Variants in SCHIP1 observed in about 807,000 individuals in gnomAD.
SCHIP1 encodes schwannomin interacting protein 1.
A neutral mutation model predicts 29.7 loss-of-function variants in SCHIP1; 8 were observed. The observed-to-expected ratio is 0.27, with a 90% CI of 0.16 to 0.49. SCHIP1 has a LOEUF of 0.49. Ranked by LOEUF, SCHIP1 falls within the 20% of genes least tolerant of loss-of-function variation. SCHIP1 has a pLI of 0.99. For missense variants in SCHIP1, 193 were observed against 294.6 expected (o/e 0.66, Z 2.52); for synonymous variants, 76 against 94.9 (o/e 0.80, Z 1.16).
At chr3:159,310,618 T>C in the SCHIP1 span, among the ~76,000 whole-genome samples, 1 of 152,130 alleles carries the variant, frequency 6.6e-6, no homozygotes, top group African/African-American at 2.4e-5. Flanking sequence ...TTGGGGTTTT[T>C]ATGGACAGAC....
the SCHIP1 span, among the ~76,000 whole-genome samples, chr3:159,552,917 G>A: frequency 2.6e-5 from 4 of 152,124 alleles, no homozygotes; most frequent in Non-Finnish European, 4.4e-5. Context: ...TAATGTTGCT[G>A]AGGAGTAAAG....
the SCHIP1 span, among the ~76,000 whole-genome samples, chr3:159,710,738 TG>T: frequency 6.6e-6 from 1 of 152,160 alleles, no homozygotes; most frequent in African/African-American, 2.4e-5. Context: ...ATGTAAGATC[TG>T]AAACTATAAA....
At chr3:159,802,827 A>G in the SCHIP1 span, among the ~76,000 whole-genome samples, 1 of 152,208 alleles carries the variant, frequency 6.6e-6, no homozygotes, top group Non-Finnish European at 1.5e-5. Flanking sequence ...TCATGCATGT[A>G]AAAGAAGTGT....
intron 2 of SCHIP1, among the ~76,000 whole-genome samples, chr3:159,880,898 G>GA (rs1340833861): frequency 1.8e-4 from 28 of 152,296 alleles, no homozygotes; most frequent in African/African-American, 6.5e-4. Flanking sequence ...CAAATATTGT[G>GA]AGGCAGAAAC....
the SCHIP1 span, among the ~76,000 whole-genome samples, chr3:159,348,433 ATTACT>A: frequency 6.6e-6 from 1 of 152,148 alleles, no homozygotes; most frequent in Non-Finnish European, 1.5e-5. Flanking sequence ...GACATGGCTC[ATTACT>A]TTACCAAAAT....
At chr3:159,723,503 A>G in the SCHIP1 span, among the ~76,000 whole-genome samples, 1 of 152,206 alleles carries the variant, frequency 6.6e-6, no homozygotes, top group Non-Finnish European at 1.5e-5. Context: ...GTGTTCTTCC[A>G]TAAGAACATT....
the SCHIP1 span, among the ~76,000 whole-genome samples, chr3:159,682,694 C>T: frequency 6.6e-6 from 1 of 152,142 alleles, no homozygotes; most frequent in East Asian, 1.9e-4. Flanking sequence ...CTGAGCTTGG[C>T]CCTACCTGAT....
the SCHIP1 span, among the ~76,000 whole-genome samples, chr3:159,446,037 A>G: frequency 6.6e-6 from 1 of 151,768 alleles, no homozygotes; most frequent in Non-Finnish European, 1.5e-5. Flanking sequence ...AATAATAATA[A>G]TAATAAAAAG....
the SCHIP1 span, among the ~76,000 whole-genome samples, chr3:159,626,218 A>ATC: frequency 9.2e-6 from 1 of 108,792 alleles, no homozygotes; most frequent in African/African-American, 7.0e-5. Flanking sequence ...ATATATCTAG[A>ATC]TATATATATA....
intron 2 of SCHIP1, among the ~76,000 whole-genome samples, chr3:159,873,625 CTAAT>C (rs1490907917): frequency 6.6e-6 from 1 of 152,192 alleles, no homozygotes; most frequent in Non-Finnish European, 1.5e-5. Flanking sequence ...CATAACTCAA[CTAAT>C]TAAATTTGAC....
the SCHIP1 span, among the ~76,000 whole-genome samples, chr3:159,659,277 G>A: frequency 6.6e-6 from 1 of 152,182 alleles, no homozygotes; most frequent in Non-Finnish European, 1.5e-5. Flanking sequence ...ATGCTGTGGT[G>A]ATCCGACTGA....
chr3:159,701,235 G>T, the SCHIP1 span, among the ~76,000 whole-genome samples: 1 of 151,866 alleles, frequency 6.6e-6, no homozygotes, highest in Admixed American at 6.6e-5. Context: ...TAACATTTTT[G>T]TCATTTTCAT....
At chr3:159,771,695 T>G in the SCHIP1 span, among the ~76,000 whole-genome samples, 5 of 126,304 alleles carry the variant, frequency 4.0e-5, no homozygotes, top group South Asian at 2.1e-4. Context: ...CTTTGTTGTT[T>G]TTTTTTTTTT....
At chr3:159,625,039 T>A in the SCHIP1 span, among the ~76,000 whole-genome samples, 1 of 152,162 alleles carries the variant, frequency 6.6e-6, no homozygotes, top group African/African-American at 2.4e-5. Context: ...AACAAGAACA[T>A]GAGAACAGTG....
At chr3:159,830,338 G>T in the SCHIP1 span, among the ~76,000 whole-genome samples, 1 of 152,018 alleles carries the variant, frequency 6.6e-6, no homozygotes. Flanking sequence ...TGATTGTTTT[G>T]CATGTTGGTT....
chr3:159,750,779 T>C, the SCHIP1 span, among the ~76,000 whole-genome samples: 1 of 151,944 alleles, frequency 6.6e-6, no homozygotes, highest in Non-Finnish European at 1.5e-5. Context: ...CAAGGATGGC[T>C]CCCAAATTTG....
At chr3:159,416,061 G>A in the SCHIP1 span, among the ~76,000 whole-genome samples, 20 of 152,222 alleles carry the variant, frequency 1.3e-4, no homozygotes, top group East Asian at 2.7e-3. Flanking sequence ...CCAGGATTTC[G>A]CATAATCTAG....
the SCHIP1 span, among the ~76,000 whole-genome samples, chr3:159,489,364 C>G: frequency 2.0e-5 from 3 of 152,172 alleles, no homozygotes; most frequent in African/African-American, 4.8e-5. Context: ...GAGTCAACAT[C>G]TTGTGCTAAT....
At chr3:159,712,846 A>AAGAAAGAAAGAAAGAAAGAAAGAG in the SCHIP1 span, among the ~76,000 whole-genome samples, 4 of 147,778 alleles carry the variant, frequency 2.7e-5, no homozygotes, top group African/African-American at 9.9e-5. Context: ...GAAAGAAAGA[A>AAGAAAGAAAGAAAGAAAGAAAGAG]AGAGAGAGAG....
Sources: gnomAD v4.1 joint callset for allele counts (sites outside exome capture counted in the v4.1 genomes callset) on GRCh38, gnomAD v4.1.1 for gene constraint, MANE v1.5 for transcripts, NCBI Gene and HGNC (gene_info 2026-07-23, HGNC 2026-07-21) for gene names.